SYNPR: variants seen among roughly 807,000 people sequenced by gnomAD.
SYNPR encodes the protein synaptoporin.
Under a neutral mutation model 32.9 loss-of-function variants are expected in SYNPR, and 23 were observed. The ratio of observed to expected loss-of-function variants is 0.70; its 90% confidence interval spans 0.50 to 0.99. The LOEUF (loss-of-function observed/expected upper bound fraction) is 0.99, where lower values mean the gene tolerates loss of function less well. Ranked by LOEUF, SYNPR falls within the 50% of genes least tolerant of loss-of-function variation. The probability of loss-of-function intolerance (pLI) is 0.00; values close to 1 mark genes in which losing one functional copy is unlikely to be tolerated. For synonymous variants in SYNPR, 146 were observed against 135.9 expected (o/e 1.07, Z -0.52); for missense variants, 318 against 349.3 (o/e 0.91, Z 0.71).
chr3:63,205,779 G>A, the SYNPR span, among the ~76,000 whole-genome samples: 11 of 152,210 alleles, frequency 7.2e-5, no homozygotes, highest in African/African-American at 2.7e-4. Flanking sequence ...GTTACCTGCT[G>A]ATAGGAGTAT....
At chr3:63,508,406 G>A (rs897662987) in intron 3 of SYNPR, among the ~76,000 whole-genome samples, 2 of 152,180 alleles carry the variant, frequency 1.3e-5, no homozygotes, top group Non-Finnish European at 2.9e-5. Flanking sequence ...ATAAGTGCCA[G>A]GGGAGTAAAA....
intron 1 of SYNPR, among the ~76,000 whole-genome samples, chr3:63,233,503 A>G (rs2086180317): frequency 1.3e-5 from 2 of 152,186 alleles, no homozygotes. Context: ...CCACATATGG[A>G]TACCACTGCC....
chr3:63,463,959 C>CT (rs1700634731), intron 2 of SYNPR, among the ~76,000 whole-genome samples: 1 of 151,892 alleles, frequency 6.6e-6, no homozygotes, highest in Non-Finnish European at 1.5e-5. Context: ...ATGTAGATGC[C>CT]TTTTTTCGTA....
At chr3:63,206,485 C>T in the SYNPR span, among the ~76,000 whole-genome samples, 3 of 152,032 alleles carry the variant, frequency 2.0e-5, no homozygotes, top group Admixed American at 6.6e-5. Flanking sequence ...GGCTTGAGCC[C>T]AGGAGGCGGA....
upstream of SYNPR, among the ~76,000 whole-genome samples, chr3:63,225,227 A>G (rs2086119850): frequency 6.6e-6 from 1 of 152,192 alleles, no homozygotes; most frequent in Non-Finnish European, 1.5e-5. Flanking sequence ...CACAGCATCA[A>G]TAAGTGTCAT....
At chr3:63,232,618 A>G (rs1269429267) in intron 1 of SYNPR, among the ~76,000 whole-genome samples, 2 of 152,200 alleles carry the variant, frequency 1.3e-5, no homozygotes, top group Admixed American at 6.5e-5. Context: ...AGGAAATACT[A>G]TTGAATTGAT....
chr3:63,311,142 T>A (rs2086959446), intron 2 of SYNPR, among the ~76,000 whole-genome samples: 1 of 152,028 alleles, frequency 6.6e-6, no homozygotes, highest in African/African-American at 2.4e-5. Context: ...ATTTGCTTTC[T>A]GGGTGTTTTT....
intron 2 of SYNPR, among the ~76,000 whole-genome samples, chr3:63,397,414 G>A (rs1345289285): frequency 6.6e-6 from 1 of 152,158 alleles, no homozygotes; most frequent in Non-Finnish European, 1.5e-5. Context: ...AAACAGAACT[G>A]AGTGGTCTAG....
intron 3 of SYNPR, among the ~76,000 whole-genome samples, chr3:63,497,233 A>G (rs868522001): frequency 6.6e-6 from 1 of 152,186 alleles, no homozygotes; most frequent in Non-Finnish European, 1.5e-5. Flanking sequence ...AAATTTGTAT[A>G]TTGAATTAAT....
the SYNPR span, among the ~76,000 whole-genome samples, chr3:63,222,116 G>C: frequency 7.2e-6 from 1 of 137,936 alleles, no homozygotes; most frequent in South Asian, 2.4e-4. Flanking sequence ...TGATAGTTTT[G>C]AGAAGACCCT....
At chr3:63,292,959 C>A in intron 2 of SYNPR, among the ~76,000 whole-genome samples, 1 of 152,238 alleles carries the variant, frequency 6.6e-6, no homozygotes, top group African/African-American at 2.4e-5. Flanking sequence ...CCAGACACAC[C>A]ATAGCCTCAG....
intron 2 of SYNPR, among the ~76,000 whole-genome samples, chr3:63,318,434 A>G (rs2087068288): frequency 6.6e-6 from 1 of 151,892 alleles, no homozygotes; most frequent in African/African-American, 2.4e-5. Flanking sequence ...GACTTCTTGG[A>G]GACTTTGTTC....
chr3:63,217,581 C>G, the SYNPR span, among the ~76,000 whole-genome samples: 1 of 136,120 alleles, frequency 7.3e-6, no homozygotes, highest in African/African-American at 2.8e-5. Flanking sequence ...GCACGGTGCG[C>G]GCACACACTG....
chr3:63,206,950 G>A, the SYNPR span, among the ~76,000 whole-genome samples: 1 of 152,322 alleles, frequency 6.6e-6, no homozygotes, highest in Admixed American at 6.5e-5. Flanking sequence ...ATTGCCTAAA[G>A]TAGAGAAAAT....
At chr3:63,398,858 A>G (rs1356078839) in intron 2 of SYNPR, among the ~76,000 whole-genome samples, 1 of 152,226 alleles carries the variant, frequency 6.6e-6, no homozygotes, top group African/African-American at 2.4e-5. Context: ...ACTGGGAAGA[A>G]GGTAAGGCCT....
intron 5 of SYNPR, among the ~76,000 whole-genome samples, chr3:63,614,474 C>T (rs1700249097): frequency 6.6e-6 from 1 of 152,204 alleles, no homozygotes; most frequent in Admixed American, 6.5e-5. Context: ...GAAAGTTTCA[C>T]ATCCAGTTCT....
At chr3:63,572,998 T>C (rs1237311072) in intron 4 of SYNPR, among the ~76,000 whole-genome samples, 1 of 152,008 alleles carries the variant, frequency 6.6e-6, no homozygotes, top group African/African-American at 2.4e-5. Flanking sequence ...TTCTGCTGGG[T>C]TTTGTGTGTG....
intron 2 of SYNPR, among the ~76,000 whole-genome samples, chr3:63,333,981 T>C (rs973533106): frequency 3.9e-5 from 6 of 152,204 alleles, no homozygotes; most frequent in African/African-American, 1.2e-4. Flanking sequence ...AATAGAGAAA[T>C]TGGTGACACC....
chr3:63,556,518 T>C (rs370372966), intron 3 of SYNPR, 25 bp from the exon 4 acceptor site: 5 of 1,581,706 alleles, frequency 3.2e-6, no homozygotes, highest in Non-Finnish European at 4.3e-6. Context: ...ATTTAAAGAA[T>C]GTCTCCTTAA....
Sources: gnomAD v4.1 joint callset for allele counts (sites outside exome capture counted in the v4.1 genomes callset) on GRCh38, gnomAD v4.1.1 for gene constraint, MANE v1.5 for transcripts, NCBI Gene and HGNC (gene_info 2026-07-23, HGNC 2026-07-21) for gene names.